Variants in CILK1 observed in about 807,000 individuals in gnomAD.
CILK1 encodes ciliogenesis associated kinase 1.
In CILK1, 47 loss-of-function variants were observed where a neutral mutation model predicts 79.2. The ratio of observed to expected loss-of-function variants is 0.59; its 90% CI spans 0.47 to 0.76. The LOEUF is 0.76. Ranked by LOEUF, CILK1 falls within the 30% of genes least tolerant of loss-of-function variation. The probability of loss-of-function intolerance (pLI) is 0.00; values close to 1 mark genes in which losing one functional copy is unlikely to be tolerated. For missense variants in CILK1, 660 were observed against 769.5 expected (o/e 0.86, Z 1.68); for synonymous variants, 266 against 275.9 (o/e 0.96, Z 0.36).
Position 53,011,905 on chromosome 6 carries a change from A to G in CILK1, c.1356T>C (p.Val452=). 1 of 1,614,172 alleles carries G rather than the reference A, an allele frequency of 6.2e-7. No individual in the cohort carries two copies. Reference sequence around the variant, plus strand: ...CAGGCTCAGAGGGCTTCAGGTCCAAAACACTCTCAAACCTGAATGAAGAGA... The same window carrying G: ...CAGGCTCAGAGGGCTTCAGGTCCAAGACACTCTCAAACCTGAATGAAGAGA... ...SDDTLCRFES[V]LDLKPSEPVG... is the part of the protein sequence containing the mutation. Residue 452 remains valine, a synonymous_variant, in exon 11 of 14, where the codon GTT becomes GTC. Transcript: ENST00000676107.
At chr6:53,021,091 C>A (rs546828445) in intron 5 of CILK1, among the ~76,000 whole-genome samples, 2 of 152,258 alleles carry the variant, frequency 1.3e-5, no homozygotes, top group South Asian at 4.1e-4. Flanking sequence ...GAGGCCGAGG[C>A]GGGCGGATCA....
Position 53,005,165 on chromosome 6 carries a change from T to A in CILK1, c.1883A>T (p.Tyr628Phe), listed in dbSNP as rs1181810206. The change falls in exon 14 of 14, where the codon TAC becomes TTC. Residue 628 changes from tyrosine to phenylalanine, a missense_variant. By Grantham distance (22) the Tyr-to-Phe change is conservative (BLOSUM62 3). Coordinates refer to ENST00000676107, the MANE Select transcript of CILK1 (RefSeq NM_014920.5). ...GGCAGACAGTCATCGCCGAGATGCG[T>A]ACTTGGAAGCCCAGTCTGTCCGGCC... Reference protein sequence around the residue: ...VHGRTDWASKYASRR With the variant: ...VHGRTDWASKFASRR 1 of 1,614,170 alleles carries A rather than the reference T, an allele frequency of 6.2e-7. No homozygotes were observed. Among genetic ancestry groups the A allele is most frequent in the Non-Finnish European group, 8.5e-7 (1 of 1,180,016 alleles).
chr6:53,039,618 C>A (rs906946071), intron 2 of CILK1, among the ~76,000 whole-genome samples: 1 of 152,198 alleles, frequency 6.6e-6, no homozygotes, highest in Non-Finnish European at 1.5e-5. Context: ...GGTTGAAAGT[C>A]TCCCACATGC....
rs191891248 is a variant in CILK1, at chr6:53,042,624, G to A, written c.-172-1216C>T. Among the ~76,000 whole-genome samples the A allele has an allele frequency of 7.1e-3, 1,078 of 152,256 alleles. 4 individuals are homozygous for A. Among genetic ancestry groups the A allele is most frequent in the Middle Eastern group, 0.014 (4 of 294 alleles). On this transcript the variant is annotated intron_variant, in intron 1 of 13. Transcript: ENST00000676107. The stretch of plus-strand genomic sequence containing the variant: ...TTTGTGTCTTAAAAATAATGTCATT[G>A]ATTTTTCATTTATATAATTCAGTCT...
chr6:53,024,833 CTT>C (rs11399655), intron 5 of CILK1, among the ~76,000 whole-genome samples: 5 of 133,872 alleles, frequency 3.7e-5, no homozygotes, highest in Admixed American at 7.9e-5. Context: ...ATAGCTAAAT[CTT>C]TTTTTTTTTT....
chr6:53,005,012 G>T lies in CILK1; in HGVS notation c.*137C>A. ...AAACTTTAAAAAAGAATATTGACATGTCTTAGTTCAGAAGAATAACTATAA... is the reference window on the plus strand; with the variant it reads ...AAACTTTAAAAAAGAATATTGACATTTCTTAGTTCAGAAGAATAACTATAA... On this transcript the variant is annotated 3_prime_UTR_variant, in exon 14 of 14. Transcript: ENST00000676107. 1.0e-6 allele frequency: 1 copy of T among 972,368 alleles called. No homozygotes were observed. Among genetic ancestry groups the T allele is most frequent in the Non-Finnish European group, 1.6e-6 (1 of 622,144 alleles). 60.2% of individuals were successfully genotyped at this position (972,368 alleles called of 1,614,324 possible).
chr6:53,041,447 T>C (rs1766703762), intron 1 of CILK1, 39 bp from the exon 2 acceptor site: 1 of 541,632 alleles, frequency 1.8e-6, no homozygotes, highest in East Asian at 3.3e-5. Flanking sequence ...AATGTTAATA[T>C]ACATTTTGAG....
At chr6:53,044,306 C>G (rs1339191682) in intron 1 of CILK1, among the ~76,000 whole-genome samples, 1 of 152,088 alleles carries the variant, frequency 6.6e-6, no homozygotes, top group African/African-American at 2.4e-5. Flanking sequence ...CTGTGAACTG[C>G]CCATGGGAGG....
intron 11 of CILK1, among the ~76,000 whole-genome samples, chr6:53,011,291 T>C (rs990631580): frequency 2.6e-5 from 4 of 152,064 alleles, no homozygotes; most frequent in Non-Finnish European, 4.4e-5. Flanking sequence ...TGGGTGACTA[T>C]AAAAGATAAA....
At chr6:53,053,159 C>G (rs1213790999) in intron 1 of CILK1, among the ~76,000 whole-genome samples, 1 of 152,046 alleles carries the variant, frequency 6.6e-6, no homozygotes, top group East Asian at 1.9e-4. Flanking sequence ...ACACACCCAG[C>G]TTCCTTGAGT....
intron 1 of CILK1, among the ~76,000 whole-genome samples, chr6:53,058,187 C>T (rs115995385): frequency 2.1e-3 from 313 of 152,246 alleles, no homozygotes; most frequent in African/African-American, 7.2e-3. Flanking sequence ...TTCCCTAAAA[C>T]CTGTTGAGTA....
At position 53,009,559 on chromosome 6, in the gene CILK1, T is replaced by C. The variant is rs1307732378; in HGVS notation, c.1501A>G (p.Ile501Val). The change falls in exon 12 of 14, where the codon ATA becomes GTA. Residue 501 changes from isoleucine to valine, a missense_variant. By Grantham distance (29) the Ile-to-Val change is conservative. Coordinates refer to ENST00000676107, the MANE Select transcript of CILK1 (RefSeq NM_014920.5). ...GGATTCGAGAGTATGCCATTTCTTA[T>C]ACTGATCCCTGATAGAGAAGAAATG... ...KHSRYLPGIS[I>V]RNGILSNPGK... The C allele has an allele frequency of 5.6e-6, 9 of 1,606,504 alleles. No individual in the cohort carries two copies. The East Asian group carries it at 1.1e-4, about 20-fold the overall frequency.
In CILK1 at chr6:53,011,837, C is replaced by T. The variant is rs766773135; in HGVS notation, c.1424G>A (p.Arg475Gln). The part of the protein sequence containing the change: ...NSAPTQTSYQ[R>Q]RDTPTLRSAA... ...AGATCTCAGGGTGGGCGTGTCTCGC[C>T]GCTGATATGACGTCTGGGTGGGGGC... is the stretch of plus-strand genomic sequence containing the variant. The change falls in exon 11 of 14, where the codon CGG becomes CAG. Residue 475 changes from arginine (R) to glutamine (Q), a missense_variant. Arg to Gln is a conservative substitution (Grantham distance 43). Coordinates refer to ENST00000676107, the MANE Select transcript of CILK1 (RefSeq NM_014920.5). The T allele has an allele frequency of 5.0e-6, 8 of 1,613,994 alleles. No individual in the cohort carries two copies. The highest frequency in any genetic ancestry group is 2.2e-5 in the South Asian group (2 of 91,076).
chr6:53,039,383 G>T (rs1275882475), intron 2 of CILK1, among the ~76,000 whole-genome samples: 2 of 152,232 alleles, frequency 1.3e-5, no homozygotes, highest in Non-Finnish European at 1.5e-5. Context: ...GAAGACATTG[G>T]AAGCTGTCTT....
chr6:53,031,609 A>C (rs1765968082), intron 4 of CILK1, among the ~76,000 whole-genome samples: 1 of 152,206 alleles, frequency 6.6e-6, no homozygotes, highest in Admixed American at 6.5e-5. Context: ...TTGAAGTTCA[A>C]AATTACCGTC....
At chr6:53,028,188 C>T (rs1356892148) in intron 5 of CILK1, among the ~76,000 whole-genome samples, 1 of 150,684 alleles carries the variant, frequency 6.6e-6, no homozygotes, top group Non-Finnish European at 1.5e-5. Context: ...TGGTGGCATG[C>T]ACCTGTAGTC....
chr6:53,034,077 T>C (rs1007591184), intron 3 of CILK1, among the ~76,000 whole-genome samples: 15 of 152,324 alleles, frequency 9.8e-5, no homozygotes, highest in African/African-American at 3.4e-4. Context: ...TTCACTAAAC[T>C]CTCAGTGATC....
intron 5 of CILK1, among the ~76,000 whole-genome samples, chr6:53,029,042 A>C (rs1765759611): frequency 6.6e-6 from 1 of 152,174 alleles, no homozygotes; most frequent in East Asian, 1.9e-4. Flanking sequence ...CTGGGTCTAA[A>C]GAATAGCAAC....
At position 53,011,860 on chromosome 6, in the gene CILK1, G is replaced by C. The variant is rs1284198935; in HGVS notation, c.1401C>G (p.Ala467=). ...GCCGCTGATATGACGTCTGGGTGGG[G>C]GCACTGTTTCCTGTGCCCACAGGCT... ...PSEPVGTGNS[A]PTQTSYQRRD... is the part of the protein sequence containing the mutation. Residue 467 remains alanine (A), a synonymous_variant, in exon 11 of 14, where the codon GCC becomes GCG. Coordinates refer to ENST00000676107, the MANE Select transcript of CILK1 (RefSeq NM_014920.5). 1.2e-6 allele frequency: 2 copies of C among 1,614,006 alleles called. No individual in the cohort carries two copies. Among genetic ancestry groups the C allele is most frequent in the South Asian group, 2.2e-5 (2 of 91,082 alleles).
Sources: gnomAD v4.1 joint callset for allele counts (sites outside exome capture counted in the v4.1 genomes callset) on GRCh38, gnomAD v4.1.1 for gene constraint, MANE v1.5 for transcripts, NCBI Gene and HGNC (gene_info 2026-07-23, HGNC 2026-07-21) for gene names.